Variants in CSMD3 observed in about 807,000 individuals in gnomAD.
CSMD3 encodes the protein CUB and sushi domain-containing protein 3.
Under a neutral mutation model 435.2 loss-of-function variants are expected in CSMD3, and 177 were observed. The ratio of observed to expected loss-of-function variants is 0.41; its 90% confidence interval spans 0.36 to 0.46. CSMD3 has a LOEUF of 0.46. CSMD3 is among the 20% of genes least tolerant of loss of function. The probability of loss-of-function intolerance (pLI) is 0.34; values close to 1 mark genes in which losing one functional copy is unlikely to be tolerated. For synonymous variants in CSMD3, 1,656 were observed against 1,520.5 expected, an observed-to-expected ratio of 1.09 and a Z score of -2.07; for missense variants, 4,265 against 4,504.6, an observed-to-expected ratio of 0.95 and a Z score of 1.52.
chr8:112,755,599 G>C (rs2077680341), intron 13 of CSMD3, among the ~76,000 whole-genome samples: 1 of 150,344 alleles, frequency 6.7e-6, no homozygotes, highest in Non-Finnish European at 1.5e-5. Flanking sequence ...AAATTACCCA[G>C]TCTCAGGTAT....
At chr8:112,976,202 T>C in intron 6 of CSMD3, 54 bp from the exon 7 acceptor site, 1 of 1,580,398 alleles carries the variant, frequency 6.3e-7, no homozygotes, top group Non-Finnish European at 8.7e-7. Flanking sequence ...ATTTTGTTTA[T>C]TTTTTCTGAT....
At chr8:112,305,903 T>C in intron 51 of CSMD3, 104 bp downstream of exon 51, 1 of 961,510 alleles carries the variant, frequency 1.0e-6, no homozygotes, top group Non-Finnish European at 1.7e-6. Flanking sequence ...AGACATCACA[T>C]TTCAGTTTAG....
At chr8:113,179,510 T>C (rs972496810) in intron 3 of CSMD3, among the ~76,000 whole-genome samples, 1 of 151,788 alleles carries the variant, frequency 6.6e-6, no homozygotes, top group Non-Finnish European at 1.5e-5. Context: ...AGGTCCAATC[T>C]TAACTTTCAG....
chr8:112,910,990 C>A (rs2082395915), intron 10 of CSMD3, among the ~76,000 whole-genome samples: 1 of 151,896 alleles, frequency 6.6e-6, no homozygotes, highest in Non-Finnish European at 1.5e-5. Context: ...ACACCATTCT[C>A]TCTGGTTATG....
intron 3 of CSMD3, 128 bp downstream of exon 3, chr8:113,278,462 CAA>C (rs2093588494): frequency 1.5e-6 from 1 of 670,466 alleles, no homozygotes; most frequent in Admixed American, 2.1e-5. Flanking sequence ...TGATTAATAA[CAA>C]GATAAATTTC....
intron 4 of CSMD3, among the ~76,000 whole-genome samples, chr8:113,171,873 C>A (rs2092274332): frequency 1.3e-5 from 2 of 152,122 alleles, no homozygotes; most frequent in Admixed American, 6.6e-5. Context: ...TGTTTTCCAC[C>A]AGAGCAAAGG....
At chr8:112,986,165 G>A (rs145371918) in intron 6 of CSMD3, among the ~76,000 whole-genome samples, 107 of 152,200 alleles carry the variant, frequency 7.0e-4, no homozygotes, top group African/African-American at 1.9e-3. Flanking sequence ...TAAATGTCAC[G>A]TAATCAACAA....
chr8:112,718,146 A>C (rs753211164), intron 13 of CSMD3, among the ~76,000 whole-genome samples: 3 of 152,140 alleles, frequency 2.0e-5, no homozygotes, highest in Non-Finnish European at 4.4e-5. Context: ...ATTTCTTTGC[A>C]TAATCCTCAG....
chr8:112,747,984 A>C (rs904811773), intron 13 of CSMD3, among the ~76,000 whole-genome samples: 2 of 142,370 alleles, frequency 1.4e-5, no homozygotes, highest in African/African-American at 5.4e-5. Context: ...AAAAAAAAAA[A>C]AACAGGCATC....
At chr8:113,173,623 C>CT in intron 4 of CSMD3, 99 bp downstream of exon 4, 1 of 1,009,548 alleles carries the variant, frequency 9.9e-7, no homozygotes, top group Non-Finnish European at 1.6e-6. Context: ...TGCCTGGCCT[C>CT]TCTATCCTTT....
At position 112,341,515 on chromosome 8, in the gene CSMD3, T is replaced by C; in HGVS notation, c.6614A>G (p.Tyr2205Cys). 6.2e-7 allele frequency: 1 copy of C among 1,613,254 alleles called. No homozygotes were observed. The highest frequency in any genetic ancestry group is 1.7e-4 in the Middle Eastern group (1 of 6,058). Residue 2205 changes from tyrosine (Y) to cysteine (C), a missense_variant, in exon 42 of 71, where the codon TAT becomes TGT. Physicochemically the swap from Tyr to Cys is radical, Grantham distance 194. This residue lies in a region of CSMD3 where 3,255 missense variants were observed against 3,380.2 expected (regional missense o/e 0.96). Coordinates refer to ENST00000297405, the MANE Select transcript of CSMD3 (RefSeq NM_198123.2). The part of the protein sequence containing the change: ...HETSLYFHSD[Y>C]SQNKQGFHIV... ...ATGAAACCCTTGTTTGTTTTGTGAA[T>C]AGTCACTGTGAAAATATAAGCTGGT...
chr8:113,052,137 A>C (rs1172506658), intron 5 of CSMD3, among the ~76,000 whole-genome samples: 1 of 152,230 alleles, frequency 6.6e-6, no homozygotes, highest in Non-Finnish European at 1.5e-5. Context: ...AAAGATGTAA[A>C]AATAGGTTGT....
At chr8:112,631,544 T>G (rs1451381638) in intron 22 of CSMD3, among the ~76,000 whole-genome samples, 1 of 152,100 alleles carries the variant, frequency 6.6e-6, no homozygotes, top group African/African-American at 2.4e-5. Context: ...TTTCTTTTAT[T>G]TATTAATTGT....
At chr8:112,859,364 C>G (rs2129865033) in intron 10 of CSMD3, 98 bp from the exon 11 acceptor site, 1 of 952,830 alleles carries the variant, frequency 1.0e-6, no homozygotes, top group Non-Finnish European at 1.7e-6. Flanking sequence ...CAAAATGACA[C>G]AATTATAACC....
At chr8:112,405,183 C>CAAA (rs1274747452) in intron 35 of CSMD3, among the ~76,000 whole-genome samples, 318 of 6,760 alleles carry the variant, frequency 0.047, 101 homozygotes, top group African/African-American at 0.19. Flanking sequence ...GACTCTCTCT[C>CAAA]AAAAAAAAAA....
At chr8:113,275,721 C>A (rs1261400599) in intron 3 of CSMD3, among the ~76,000 whole-genome samples, 1 of 151,862 alleles carries the variant, frequency 6.6e-6, no homozygotes, top group African/African-American at 2.4e-5. Context: ...GGTAAGAGAC[C>A]AGGAGCAGTG....
chr8:112,676,584 T>A (rs896085805), intron 16 of CSMD3, among the ~76,000 whole-genome samples: 1 of 152,150 alleles, frequency 6.6e-6, no homozygotes, highest in Non-Finnish European at 1.5e-5. Context: ...CATTAATGCA[T>A]CTTTCATTTT....
At chr8:112,883,420 G>C (rs1036576453) in intron 10 of CSMD3, among the ~76,000 whole-genome samples, 6 of 151,932 alleles carry the variant, frequency 3.9e-5, no homozygotes, top group African/African-American at 1.4e-4. Flanking sequence ...ATACTTGAGG[G>C]ACATGATGGC....
chr8:113,325,061 G>A (rs2093974662), intron 1 of CSMD3, among the ~76,000 whole-genome samples: 1 of 152,220 alleles, frequency 6.6e-6, no homozygotes. Context: ...ATTGTATCTA[G>A]GAAGTAACTA....
Sources: allele counts gnomAD v4.1 joint callset (sites outside exome capture counted in the v4.1 genomes callset), GRCh38; gene constraint gnomAD v4.1.1; regional missense constraint gnomAD v4.1.1; transcripts MANE v1.5; gene names NCBI Gene and HGNC (gene_info 2026-07-23, HGNC 2026-07-21).